Variants in SNX29 observed in about 807,000 individuals in gnomAD.
The protein encoded by SNX29 is sorting nexin-29.
A neutral mutation model predicts 102.1 loss-of-function variants in SNX29; 78 were observed. The ratio of observed to expected loss-of-function variants is 0.76; its 90% CI spans 0.64 to 0.92. The LOEUF (loss-of-function observed/expected upper bound fraction) is 0.92, where lower values mean the gene tolerates loss of function less well. SNX29 is among the 40% of genes least tolerant of loss of function. The pLI, the probability that SNX29 is intolerant of heterozygous loss-of-function variation, is 0.00. For synonymous variants in SNX29, 580 were observed against 414.5 expected (o/e 1.40, Z -4.85); for missense variants, 1,280 against 1,061.7 (o/e 1.21, Z -2.86).
chr16:12,539,990 G>C (rs966708543), intron 20 of SNX29, among the ~76,000 whole-genome samples: 1 of 152,150 alleles, frequency 6.6e-6, no homozygotes, highest in African/African-American at 2.4e-5. Flanking sequence ...CTAGTCTTCA[G>C]CTTCTTTTCA....
chr16:12,400,572 G>T (rs1027216346), intron 17 of SNX29, among the ~76,000 whole-genome samples: 1 of 152,190 alleles, frequency 6.6e-6, no homozygotes. Flanking sequence ...AAGCCTGGCC[G>T]AAACATTGCT....
chr16:12,017,116 G>A (rs2056873144), intron 3 of SNX29, among the ~76,000 whole-genome samples: 1 of 152,158 alleles, frequency 6.6e-6, no homozygotes, highest in African/African-American at 2.4e-5. Context: ...GTGACAGAAT[G>A]AGACCCTATC....
intron 18 of SNX29, among the ~76,000 whole-genome samples, chr16:12,424,781 C>A (rs2084996117): frequency 6.6e-6 from 1 of 152,176 alleles, no homozygotes; most frequent in Admixed American, 6.5e-5. Flanking sequence ...TACCTTCCTT[C>A]CCTCAGTTAT....
At chr16:12,529,700 C>G (rs758138959) in intron 20 of SNX29, among the ~76,000 whole-genome samples, 1 of 152,022 alleles carries the variant, frequency 6.6e-6, no homozygotes, top group Non-Finnish European at 1.5e-5. Context: ...CTGCTGCATT[C>G]TCTCTTAGGG....
chr16:12,405,224 G>A (rs1178872583), intron 18 of SNX29, among the ~76,000 whole-genome samples: 1 of 152,222 alleles, frequency 6.6e-6, no homozygotes, highest in African/African-American at 2.4e-5. Flanking sequence ...GTTATCACTT[G>A]AGAGGTTTCC....
chr16:12,485,220 C>T (rs2088168770), intron 19 of SNX29, among the ~76,000 whole-genome samples: 1 of 152,182 alleles, frequency 6.6e-6, no homozygotes, highest in African/African-American at 2.4e-5. Context: ...AGGTGGCTTT[C>T]TAATGGTCTG....
chr16:12,056,083 T>C (rs765989076), intron 8 of SNX29, among the ~76,000 whole-genome samples: 1 of 152,182 alleles, frequency 6.6e-6, no homozygotes, highest in Non-Finnish European at 1.5e-5. Context: ...GGTTTCACCA[T>C]GTTGGCCAGG....
At chr16:12,536,766 A>C (rs999615923) in intron 20 of SNX29, among the ~76,000 whole-genome samples, 14 of 152,194 alleles carry the variant, frequency 9.2e-5, no homozygotes, top group African/African-American at 3.4e-4. Flanking sequence ...TCAGGAGGCC[A>C]GGAGTTTCAG....
intron 18 of SNX29, among the ~76,000 whole-genome samples, chr16:12,476,508 T>G (rs1217742607): frequency 7.2e-6 from 1 of 138,268 alleles, no homozygotes; most frequent in Non-Finnish European, 1.5e-5. Flanking sequence ...AAATTAGAGA[T>G]GGGTATTTCT....
At chr16:12,036,330 CTTTCTTTTTTTT>C (rs1376437576) in intron 4 of SNX29, among the ~76,000 whole-genome samples, 1 of 117,672 alleles carries the variant, frequency 8.5e-6, no homozygotes, top group Non-Finnish European at 1.8e-5. Context: ...GTTTTTCTTT[CTTTCTTTTTTTT>C]TTTTTTTTTT....
chr16:12,393,568 C>T (rs1345086963), intron 16 of SNX29, among the ~76,000 whole-genome samples: 2 of 152,010 alleles, frequency 1.3e-5, no homozygotes, highest in Admixed American at 6.5e-5. Context: ...AGATAACCAG[C>T]GTGGAGTCAT....
intron 20 of SNX29, among the ~76,000 whole-genome samples, chr16:12,548,382 A>G (rs1319223279): frequency 6.6e-6 from 1 of 152,242 alleles, no homozygotes; most frequent in South Asian, 2.1e-4. Context: ...GGAGTCCCAC[A>G]CCTTCTAAGG....
intron 19 of SNX29, among the ~76,000 whole-genome samples, chr16:12,501,698 C>T (rs1230295887): frequency 1.6e-5 from 2 of 123,432 alleles, no homozygotes; most frequent in African/African-American, 6.2e-5. Context: ...CTACTCCAGC[C>T]TGGGTGGCAG....
chr16:12,330,455 C>G (rs774950875), intron 15 of SNX29, among the ~76,000 whole-genome samples: 30 of 152,146 alleles, frequency 2.0e-4, no homozygotes, highest in Non-Finnish European at 4.0e-4. Flanking sequence ...ATGGGCTTGA[C>G]GGTCATAAGT....
intron 19 of SNX29, among the ~76,000 whole-genome samples, chr16:12,516,103 G>A (rs554627957): frequency 6.6e-6 from 1 of 152,242 alleles, no homozygotes; most frequent in Admixed American, 6.5e-5. Flanking sequence ...GATGGCTCTC[G>A]TCTAATTGCA....
At chr16:12,428,326 G>A (rs2085166402) in intron 18 of SNX29, among the ~76,000 whole-genome samples, 1 of 152,142 alleles carries the variant, frequency 6.6e-6, no homozygotes, top group African/African-American at 2.4e-5. Context: ...TCCTTAAACA[G>A]AACTCAGGGT....
chr16:12,549,321 C>T (rs1362670114), intron 20 of SNX29, among the ~76,000 whole-genome samples: 1 of 152,050 alleles, frequency 6.6e-6, no homozygotes, highest in Non-Finnish European at 1.5e-5. Flanking sequence ...ATGACAAAAC[C>T]CCATGTCTAC....
intron 20 of SNX29, among the ~76,000 whole-genome samples, chr16:12,549,338 T>C (rs1471156806): frequency 1.3e-5 from 2 of 152,072 alleles, no homozygotes; most frequent in Non-Finnish European, 2.9e-5. Context: ...CTACCAAAAA[T>C]ACAAAAATTA....
chr16:12,108,928 G>A (rs2053383275), intron 11 of SNX29, among the ~76,000 whole-genome samples: 1 of 151,996 alleles, frequency 6.6e-6, no homozygotes, highest in Non-Finnish European at 1.5e-5. Flanking sequence ...AGGAGTTCAA[G>A]AGCAGCCTGG....
Sources: gnomAD v4.1 joint callset for allele counts (sites outside exome capture counted in the v4.1 genomes callset) on GRCh38, gnomAD v4.1.1 for gene constraint, MANE v1.5 for transcripts, NCBI Gene and HGNC (gene_info 2026-07-23, HGNC 2026-07-21) for gene names.